SYNE2: variants seen among roughly 807,000 people sequenced by gnomAD.
The protein encoded by SYNE2 is spectrin repeat containing nuclear envelope protein 2.
In SYNE2, 431 loss-of-function variants were observed where a neutral mutation model predicts 856.3. The observed-to-expected ratio is 0.50, with a 90% CI of 0.47 to 0.55. The LOEUF is 0.55. Ranked by LOEUF, SYNE2 falls within the 20% of genes least tolerant of loss-of-function variation. The pLI is 0.00. For synonymous variants in SYNE2, 2,923 were observed against 2,872.3 expected (o/e 1.02, Z -0.56); for missense variants, 8,129 against 8,023.2 (o/e 1.01, Z -0.50).
At chr14:63,925,639 A>G (rs894819517) in intron 2 of SYNE2, among the ~76,000 whole-genome samples, 1 of 151,376 alleles carries the variant, frequency 6.6e-6, no homozygotes, top group African/African-American at 2.4e-5. Flanking sequence ...TTAACTATCT[A>G]CTCTTCCCCT....
At chr14:63,958,672 C>T (rs1212721352) in intron 8 of SYNE2, among the ~76,000 whole-genome samples, 1 of 152,182 alleles carries the variant, frequency 6.6e-6, no homozygotes, top group East Asian at 1.9e-4. Context: ...GAAATCACTG[C>T]ATAGCCCACA....
intron 100 of SYNE2, among the ~76,000 whole-genome samples, chr14:64,206,627 G>A (rs2098606687): frequency 6.7e-6 from 1 of 150,356 alleles, no homozygotes; most frequent in African/African-American, 2.4e-5. Flanking sequence ...CATTTCTTAC[G>A]GCCATTTACC....
At position 64,000,546 on chromosome 14, in the gene SYNE2, T is replaced by G. The variant is rs1290535390; in HGVS notation, c.3481-16T>G. 1 of 1,609,624 alleles carries G rather than the reference T, an allele frequency of 6.2e-7. No homozygotes were observed. The highest frequency in any genetic ancestry group is 2.2e-5 in the East Asian group (1 of 44,696). On this transcript the variant is annotated splice_polypyrimidine_tract_variant and intron_variant, in intron 27 of 115. Transcript: ENST00000555002. ...AACCCCATTAGTTGATAAATTAATT[T>G]ATGTGTTCCATCTAGGTCATAAAAA... is the stretch of plus-strand genomic sequence containing the variant.
chr14:64,098,275 A>G (rs2097693733), intron 62 of SYNE2, 129 bp downstream of exon 62: 10 of 993,206 alleles, frequency 1.0e-5, no homozygotes, highest in South Asian at 1.4e-5. Context: ...TAAAGTGGAA[A>G]TACTCAACCT....
chr14:63,783,427 G>C (rs983286205), intron 1 of SYNE2, among the ~76,000 whole-genome samples: 4 of 152,044 alleles, frequency 2.6e-5, no homozygotes, highest in Admixed American at 6.6e-5. Flanking sequence ...GCCCAGGCCG[G>C]AGTGCAGTGG....
intron 99 of SYNE2, among the ~76,000 whole-genome samples, chr14:64,192,635 A>G (rs913619354): frequency 3.3e-5 from 5 of 152,184 alleles, no homozygotes; most frequent in African/African-American, 4.8e-5. Flanking sequence ...GTGTGATTTC[A>G]CTTAAACTTC....
Position 64,143,831 on chromosome 14 carries a change from A to C in SYNE2, c.15366A>C (p.Leu5122Phe). 1 of 1,614,210 alleles carries C rather than the reference A, an allele frequency of 6.2e-7. No individual in the cohort carries two copies. Among genetic ancestry groups the C allele is most frequent in the Non-Finnish European group, 8.5e-7 (1 of 1,180,024 alleles). Residue 5122 changes from leucine (L) to phenylalanine (F), a missense_variant, in exon 83 of 116, where the codon TTA (leucine) becomes TTC (phenylalanine). This residue lies in a region of SYNE2 where 5,410 missense variants were observed against 5,284.8 expected (regional missense o/e 1.02). Coordinates refer to ENST00000555002, the MANE Select transcript of SYNE2 (RefSeq NM_182914.3). ...QWIVDFVNQSLLQLSTCDVES... is the reference protein window; with the variant it reads ...QWIVDFVNQSFLQLSTCDVES... ...TAGTTGACTTCGTTAACCAGTCATT[A>C]CTTCAGCTAAGCACCTGTGATGTAG... is the stretch of plus-strand genomic sequence containing the variant.
intron 1 of SYNE2, among the ~76,000 whole-genome samples, chr14:63,859,419 T>C (rs1892877097): frequency 6.6e-6 from 1 of 152,244 alleles, no homozygotes. Flanking sequence ...CTTTTCTTCT[T>C]TTCTGATATA....
rs141913214 is a variant in SYNE2, at chr14:64,061,118, T to C, written c.10068-1633T>C. 5.4e-3 allele frequency among the ~76,000 whole-genome samples: 830 copies of C among 152,328 alleles called. 7 individuals are homozygous for C. The highest frequency in any genetic ancestry group is 0.019 in the African/African-American group (791 of 41,572). On this transcript the variant is annotated intron_variant, in intron 49 of 115. Transcript: ENST00000555002. ...TGATTGCTCTCGTAATTTTTGGTTTTTATGAAGTTGCTTTTGTATGGAGAT... is the reference window on the plus strand; with the variant it reads ...TGATTGCTCTCGTAATTTTTGGTTTCTATGAAGTTGCTTTTGTATGGAGAT...
At chr14:63,894,149 G>T (rs185517661) in intron 1 of SYNE2, among the ~76,000 whole-genome samples, 1 of 151,690 alleles carries the variant, frequency 6.6e-6, no homozygotes, top group East Asian at 1.9e-4. Context: ...GCTTTTTGAA[G>T]ATGCATGTGA....
intron 7 of SYNE2, among the ~76,000 whole-genome samples, chr14:63,950,857 G>A (rs774310889): frequency 2.6e-5 from 4 of 151,908 alleles, no homozygotes; most frequent in African/African-American, 4.8e-5. Context: ...GGGTTTTGCC[G>A]TGTTGCCCAG....
At position 64,113,528 on chromosome 14, in the gene SYNE2, C is replaced by G. The variant is rs1193559789; in HGVS notation, c.12797C>G (p.Ala4266Gly). The change falls in exon 66 of 116, where the codon GCA (alanine) becomes GGA (glycine). Residue 4266 changes from alanine to glycine, a missense_variant. Physicochemically the swap from Ala to Gly is moderately conservative, Grantham distance 60 (BLOSUM62 0). Around this residue, in one of 3 missense-constraint regions of SYNE2, gnomAD observed 5,410 missense variants for 5,284.8 expected, o/e 1.02. Coordinates refer to ENST00000555002, the MANE Select transcript of SYNE2 (RefSeq NM_182914.3). Reference protein sequence around the residue: ...NVAVEPETLNADMQQVLEQQL... With the variant: ...NVAVEPETLNGDMQQVLEQQL... Reference sequence around the variant, plus strand: ...GCAGTTGAGCCGGAAACATTAAACGCAGACATGCAGCAGGTGCTGGAACAG... The same window carrying G: ...GCAGTTGAGCCGGAAACATTAAACGGAGACATGCAGCAGGTGCTGGAACAG... The G allele has an allele frequency of 6.2e-7, 1 of 1,613,438 alleles. No individual in the cohort carries two copies. The highest frequency in any genetic ancestry group is 1.1e-5 in the South Asian group (1 of 90,900).
intron 61 of SYNE2, among the ~76,000 whole-genome samples, chr14:64,096,438 G>A (rs2097677851): frequency 6.6e-6 from 1 of 152,188 alleles, no homozygotes; most frequent in African/African-American, 2.4e-5. Flanking sequence ...GTGGCCAGGG[G>A]TCTGCAGATG....
At chr14:63,927,924 T>C (rs2095691970) in intron 2 of SYNE2, among the ~76,000 whole-genome samples, 1 of 151,934 alleles carries the variant, frequency 6.6e-6, no homozygotes, top group Non-Finnish European at 1.5e-5. Flanking sequence ...CCTTCTGCCA[T>C]GATTGTTAGG....
At chr14:64,024,109 G>A (rs1359964226) in intron 38 of SYNE2, 148 bp from the exon 39 acceptor site, 1 of 691,530 alleles carries the variant, frequency 1.4e-6, no homozygotes, top group Non-Finnish European at 2.6e-6. Flanking sequence ...TGCCATTGGA[G>A]ATAGCCACAT....
intron 32 of SYNE2, among the ~76,000 whole-genome samples, chr14:64,015,473 T>G (rs1594878555): frequency 6.6e-6 from 1 of 152,164 alleles, no homozygotes; most frequent in Non-Finnish European, 1.5e-5. Context: ...AATTTGTGTG[T>G]GTAAAGTTAT....
At chr14:63,983,513 G>C (rs1473707546) in intron 17 of SYNE2, among the ~76,000 whole-genome samples, 2 of 151,812 alleles carry the variant, frequency 1.3e-5, no homozygotes, top group African/African-American at 4.8e-5. Context: ...TTTATATGTA[G>C]CATAGTGCCT....
At chr14:64,208,020 T>C (rs1386937263) in intron 100 of SYNE2, 3 of 455,974 alleles carry the variant, frequency 6.6e-6, no homozygotes, top group Non-Finnish European at 1.3e-5. Context: ...TGTTTATTCG[T>C]GAAGAGGTTT....
chr14:64,216,122 T>C (rs1323670376), intron 107 of SYNE2, 126 bp from the exon 108 acceptor site: 1 of 1,563,126 alleles, frequency 6.4e-7, no homozygotes, highest in African/African-American at 1.4e-5. Context: ...TACTGACATT[T>C]TGCAAACATG....
Sources: allele counts gnomAD v4.1 joint callset (sites outside exome capture counted in the v4.1 genomes callset), GRCh38; gene constraint gnomAD v4.1.1; regional missense constraint gnomAD v4.1.1; transcripts MANE v1.5; gene names NCBI Gene and HGNC (gene_info 2026-07-23, HGNC 2026-07-21).